Variants in PLA2G6 observed in about 807,000 individuals in gnomAD.
PLA2G6 encodes the protein phospholipase A2 group VI.
PLA2G6 carries 62 observed loss-of-function variants against 83.8 expected under a neutral mutation model. The observed-to-expected ratio is 0.74, with a 90% CI of 0.60 to 0.91. The LOEUF (loss-of-function observed/expected upper bound fraction) is 0.91. Ranked by LOEUF, PLA2G6 falls within the 40% of genes least tolerant of loss-of-function variation. The pLI, the probability that PLA2G6 is intolerant of heterozygous loss-of-function variation, is 0.00. For missense variants in PLA2G6, 944 were observed against 1,102.0 expected, an observed-to-expected ratio of 0.86 and a Z score of 2.03; for synonymous variants, 417 against 449.8, an observed-to-expected ratio of 0.93 and a Z score of 0.92.
rs113638685 is a variant in PLA2G6, at chr22:38,111,931, G to C, written c.*230C>G. 671 of 592,606 alleles carry C rather than the reference G, an allele frequency of 1.1e-3. 3 individuals are homozygous for C. Among genetic ancestry groups the C allele is most frequent in the African/African-American group, 0.011 (573 of 53,822 alleles). The allele number at this position is 592,606 out of a possible 1,614,324, so 36.7% of individuals were successfully genotyped here. A position where few individuals can be genotyped will look rare whatever the true frequency, so the allele number is the denominator to read the frequency against. The stretch of plus-strand genomic sequence containing the variant: ...ACAGTCAGGGAAAGGGGCCAAAGGG[G>C]GCTCTAGACTTTCCCAGCCTGGAAT... On this transcript the variant is annotated 3_prime_UTR_variant, in exon 17 of 17. Transcript: ENST00000332509.
chr22:38,143,513 T>C (rs1340924969), intron 3 of PLA2G6: 7 of 629,464 alleles, frequency 1.1e-5, no homozygotes, highest in Non-Finnish European at 2.0e-5. Flanking sequence ...GTACAAGAGA[T>C]GGGCCCCAGG....
chr22:38,124,461 GCCATGCC>G (rs2087714944), intron 10 of PLA2G6, among the ~76,000 whole-genome samples: 1 of 152,108 alleles, frequency 6.6e-6, no homozygotes, highest in Non-Finnish European at 1.5e-5. Flanking sequence ...GTCCTCATTG[GCCATGCC>G]CTGGGGGAAT....
At chr22:38,122,353 G>C (rs11089864) in intron 11 of PLA2G6, among the ~76,000 whole-genome samples, 4,300 of 152,234 alleles carry the variant, frequency 0.028, 120 homozygotes, top group Admixed American at 0.11. Flanking sequence ...CAGGGGGTTG[G>C]GGGGAGCTGA....
chr22:38,115,740 A>G lies in PLA2G6; in HGVS notation c.1880-59T>C, dbSNP rs1219310303. The G allele has an allele frequency of 1.9e-6, 3 of 1,544,052 alleles. No individual in the cohort carries two copies. In the African/African-American group the frequency reaches 4.1e-5, roughly 21 times the overall value. Reference sequence around the variant, plus strand: ...CAAGGGACTGGCATAAAACCCATGCACTCCAGATCTCAGGGTGTGCGTGTT... The same window carrying G: ...CAAGGGACTGGCATAAAACCCATGCGCTCCAGATCTCAGGGTGTGCGTGTT... On this transcript the variant is annotated intron_variant, in intron 13 of 16. Transcript: ENST00000332509.
At chr22:38,136,760 T>TA (rs59348921) in intron 5 of PLA2G6, 2 of 150,908 alleles carry the variant, frequency 1.3e-5, no homozygotes, top group Non-Finnish European at 3.0e-5. Context: ...TTTTTTTTTT[T>TA]AGTGCAATTA....
intron 2 of PLA2G6, among the ~76,000 whole-genome samples, chr22:38,153,343 C>T (rs1031069992): frequency 6.6e-6 from 1 of 152,210 alleles, no homozygotes; most frequent in Non-Finnish European, 1.5e-5. Flanking sequence ...GCCCGGCCCC[C>T]GCCCTGTCTG....
chr22:38,125,553 C>T (rs2087803092), intron 10 of PLA2G6: 1 of 409,782 alleles, frequency 2.4e-6, no homozygotes, highest in Admixed American at 3.0e-5. Flanking sequence ...GGTATAGAGT[C>T]CACAGAGAAC....
chr22:38,172,778 G>A (rs1205130247), intron 1 of PLA2G6, among the ~76,000 whole-genome samples: 1 of 152,196 alleles, frequency 6.6e-6, no homozygotes, highest in Non-Finnish European at 1.5e-5. Flanking sequence ...AAGTCACCAG[G>A]GGTGCAGTGA....
chr22:38,143,413 A>G (rs11570645), intron 3 of PLA2G6, 125 bp from the exon 4 acceptor site: 41,416 of 823,550 alleles, frequency 0.05, 1,235 homozygotes, highest in South Asian at 0.064. Context: ...TGAGCTCAAG[A>G]GCATTCCCGC....
chr22:38,152,310 C>T (rs1227661392), intron 2 of PLA2G6, among the ~76,000 whole-genome samples: 2 of 152,074 alleles, frequency 1.3e-5, no homozygotes, highest in Admixed American at 6.5e-5. Context: ...AAGAAATTCT[C>T]CTGCCTCAGC....
chr22:38,136,173 G>A (rs1178443231), intron 5 of PLA2G6: 1 of 152,176 alleles, frequency 6.6e-6, no homozygotes, highest in Non-Finnish European at 1.5e-5. Flanking sequence ...GTGGGGAGGG[G>A]AGAATCGGGA....
Position 38,123,938 on chromosome 22 carries a change from C to T in PLA2G6, c.1428-680G>A, listed in dbSNP as rs1294239308. 3.9e-5 allele frequency among the ~76,000 whole-genome samples: 6 copies of T among 152,102 alleles called. No homozygotes were observed. Among genetic ancestry groups the T allele is most frequent in the African/African-American group, 4.8e-5 (2 of 41,412 alleles). The stretch of plus-strand genomic sequence containing the variant: ...GCAACCTCTGCCTCCCGGGTTCAAA[C>T]GATTCTCCTGCCTCAACCTCCCGAG... On this transcript the variant is annotated intron_variant, in intron 10 of 16. Coordinates refer to ENST00000332509, the MANE Select transcript of PLA2G6 (RefSeq NM_003560.4). The surrounding 1 kb of genome is among the most constrained non-coding windows in gnomAD (Gnocchi z 4.1).
In PLA2G6 at chr22:38,128,103, G is replaced by A; in HGVS notation, c.1348+166C>T. 1.5e-6 allele frequency: 1 copy of A among 678,150 alleles called. No homozygotes were observed. The highest frequency in any genetic ancestry group is 2.6e-5 in the East Asian group (1 of 38,408). 42.0% of individuals were successfully genotyped at this position (678,150 alleles called of 1,614,324 possible). ...AGCCAGGGACACCCTAGGCCTCTGGGATCTGTGGGTTGCTGGCTGCCTAGA... is the reference window on the plus strand; with the variant it reads ...AGCCAGGGACACCCTAGGCCTCTGGAATCTGTGGGTTGCTGGCTGCCTAGA... On this transcript the variant is annotated intron_variant, in intron 9 of 16. Coordinates refer to ENST00000332509, the MANE Select transcript of PLA2G6 (RefSeq NM_003560.4). This position sits in a 1 kb window ranked among gnomAD's most constrained non-coding sequence, Gnocchi z 4.4.
rs759276503 is a variant in PLA2G6 at position 38,143,232 on chromosome 22, C to A, written c.482G>T (p.Arg161Leu). The A allele has an allele frequency of 6.2e-7, 1 of 1,614,124 alleles. No individual in the cohort carries two copies. The highest frequency in any genetic ancestry group is 8.5e-7 in the Non-Finnish European group (1 of 1,180,024). ...CACCAGGATCTCCCCATCACCCTTG[C>A]GGCAGGCCAGGTGCAGGGGTGTGCA... Reference protein sequence around the residue: ...EGCTPLHLACRKGDGEILVEL... With the variant: ...EGCTPLHLACLKGDGEILVEL... Residue 161 changes from arginine (R) to leucine (L), a missense_variant, in exon 4 of 17, where the codon CGC (arginine) becomes CTC (leucine). By Grantham distance (102) the Arg-to-Leu change is moderately radical. Coordinates refer to ENST00000332509, the MANE Select transcript of PLA2G6 (RefSeq NM_003560.4).
At chr22:38,178,027 G>C (rs1040692469) in intron 1 of PLA2G6, among the ~76,000 whole-genome samples, 5 of 152,190 alleles carry the variant, frequency 3.3e-5, no homozygotes, top group Non-Finnish European at 7.3e-5. Context: ...ACGTGAGCCA[G>C]AGCAAAACGT....
At chr22:38,115,849 C>G in intron 13 of PLA2G6, 168 bp from the exon 14 acceptor site, 1 of 1,474,748 alleles carries the variant, frequency 6.8e-7, no homozygotes, top group Non-Finnish European at 9.0e-7. Context: ...GCTAGTTCGT[C>G]CTGGTGGAAG....
intron 3 of PLA2G6, 83 bp from the exon 4 acceptor site, chr22:38,143,371 T>G: frequency 7.4e-6 from 10 of 1,345,606 alleles, no homozygotes; most frequent in Non-Finnish European, 1.1e-5. Context: ...TGCAGGGAAG[T>G]GCACTCGGAA....
At chr22:38,160,857 C>T (rs943789098) in intron 2 of PLA2G6, among the ~76,000 whole-genome samples, 4 of 151,768 alleles carry the variant, frequency 2.6e-5, no homozygotes, top group African/African-American at 9.7e-5. Flanking sequence ...AAAAAAAAAG[C>T]CTTTATCATA....
intron 10 of PLA2G6, among the ~76,000 whole-genome samples, chr22:38,124,059 T>C (rs2087686326): frequency 6.6e-6 from 1 of 152,090 alleles, no homozygotes; most frequent in Admixed American, 6.6e-5. Context: ...GGTCTTGAAC[T>C]CCCGACCTCA....
Sources: allele counts gnomAD v4.1 joint callset (sites outside exome capture counted in the v4.1 genomes callset), GRCh38; gene constraint gnomAD v4.1.1; non-coding constraint Gnocchi (gnomAD v3.1); transcripts MANE v1.5; gene names NCBI Gene and HGNC (gene_info 2026-07-23, HGNC 2026-07-21).